Variants in DPYD observed in about 807,000 individuals in gnomAD.
The protein encoded by DPYD is dihydropyrimidine dehydrogenase [NADP(+)].
A neutral mutation model predicts 116.2 loss-of-function variants in DPYD; 109 were observed. The observed-to-expected ratio is 0.94, with a 90% CI of 0.80 to 1.10. The LOEUF (loss-of-function observed/expected upper bound fraction) is 1.10. Among genes scored for constraint, DPYD ranks in the 50% least tolerant of loss-of-function variants. The probability of loss-of-function intolerance (pLI) is 0.00; values close to 1 mark genes in which losing one functional copy is unlikely to be tolerated. For synonymous variants in DPYD, 440 were observed against 432.0 expected (o/e 1.02, Z -0.23); for missense variants, 1,302 against 1,254.5 (o/e 1.04, Z -0.57).
rs1311117686 is a variant in DPYD at position 97,134,356 on chromosome 1, T to C, written c.2623-35724A>G. On this transcript the variant is annotated intron_variant, in intron 20 of 22. Transcript: ENST00000370192. ...ATTAAAATAAGCCAGAATTTGGTAT[T>C]CTCACATCGTATGTATGAGCATGAG... Among the ~76,000 whole-genome samples, 7 of 152,104 alleles carry C rather than the reference T, an allele frequency of 4.6e-5. 1 individual carries two copies. The highest frequency in any genetic ancestry group is 4.6e-4 in the Admixed American group (7 of 15,260).
intron 18 of DPYD, among the ~76,000 whole-genome samples, chr1:97,238,253 G>A (rs1410501590): frequency 6.6e-6 from 1 of 152,038 alleles, no homozygotes; most frequent in Non-Finnish European, 1.5e-5. Context: ...GAGGAAATGA[G>A]ATCCAAAAAA....
chr1:97,464,843 TC>T (rs1677226689), intron 13 of DPYD, among the ~76,000 whole-genome samples: 1 of 151,836 alleles, frequency 6.6e-6, no homozygotes, highest in African/African-American at 2.4e-5. Context: ...TGCCCTAGAG[TC>T]CCTACTAGGG....
At chr1:97,253,070 A>G (rs1216670626) in intron 18 of DPYD, among the ~76,000 whole-genome samples, 1 of 152,198 alleles carries the variant, frequency 6.6e-6, no homozygotes, top group Non-Finnish European at 1.5e-5. Context: ...GAACTAGAGA[A>G]ACATATTATG....
At chr1:97,739,840 T>A (rs1020214533) in intron 4 of DPYD, among the ~76,000 whole-genome samples, 30 of 152,132 alleles carry the variant, frequency 2.0e-4, no homozygotes, top group African/African-American at 6.7e-4. Context: ...TAAAAAAAAA[T>A]AAAGATCAAA....
intron 8 of DPYD, among the ~76,000 whole-genome samples, chr1:97,599,018 T>G (rs1455431679): frequency 6.6e-6 from 1 of 152,202 alleles, no homozygotes; most frequent in African/African-American, 2.4e-5. Flanking sequence ...TCATTCAACA[T>G]GTATGTATTA....
chr1:97,862,446 A>C (rs1179756167), intron 2 of DPYD, among the ~76,000 whole-genome samples: 1 of 151,962 alleles, frequency 6.6e-6, no homozygotes, highest in Non-Finnish European at 1.5e-5. Context: ...AAGAAAAGCC[A>C]CAATAATATA....
intron 14 of DPYD, among the ~76,000 whole-genome samples, chr1:97,395,006 C>T (rs1319535540): frequency 2.0e-5 from 3 of 151,786 alleles, no homozygotes; most frequent in Non-Finnish European, 4.4e-5. Context: ...TTTGAATTTT[C>T]GATCATTTTC....
chr1:97,871,579 G>C (rs1028962622), intron 2 of DPYD, among the ~76,000 whole-genome samples: 4 of 134,994 alleles, frequency 3.0e-5, no homozygotes, highest in Non-Finnish European at 4.8e-5. Flanking sequence ...GGAGAAGGGA[G>C]AAATACAGGC....
chr1:97,740,948 T>A (rs1461384269), intron 3 of DPYD, among the ~76,000 whole-genome samples: 2 of 152,184 alleles, frequency 1.3e-5, no homozygotes, highest in African/African-American at 2.4e-5. Context: ...CTTCCCTCTC[T>A]ACCTCTCTCT....
At chr1:97,447,760 T>G (rs1367601455) in intron 14 of DPYD, among the ~76,000 whole-genome samples, 1 of 152,024 alleles carries the variant, frequency 6.6e-6, no homozygotes, top group Non-Finnish European at 1.5e-5. Context: ...TGGTCATTAT[T>G]ACAACAACTT....
chr1:97,860,337 A>G lies in DPYD; in HGVS notation c.150+22927T>C, dbSNP rs550038894. On this transcript the variant is annotated intron_variant, in intron 2 of 22. Coordinates refer to ENST00000370192, the MANE Select transcript of DPYD (RefSeq NM_000110.4). ...ATTTTTTGAGATCACATTTAAACAT[A>G]TCTTACTTACTACGGGAAAACAATT... 7.9e-5 allele frequency among the ~76,000 whole-genome samples: 12 copies of G among 152,314 alleles called. No individual in the cohort carries two copies. The South Asian group carries it at 8.3e-4, about 11-fold the overall frequency.
At chr1:97,083,724 A>G (rs1026384328) in intron 21 of DPYD, among the ~76,000 whole-genome samples, 9 of 152,162 alleles carry the variant, frequency 5.9e-5, no homozygotes, top group African/African-American at 2.2e-4. Context: ...GTCATTAGAG[A>G]TTGGTACTTC....
At chr1:97,489,368 G>T (rs1254962438) in intron 13 of DPYD, among the ~76,000 whole-genome samples, 1 of 152,162 alleles carries the variant, frequency 6.6e-6, no homozygotes, top group Non-Finnish European at 1.5e-5. Flanking sequence ...GACCAGCCAT[G>T]CTCATCTATA....
chr1:97,193,243 G>GC lies in DPYD; in HGVS notation c.2447dup (p.Cys816TrpfsTer29). 6.2e-7 allele frequency: 1 copy of GC among 1,613,256 alleles called. No homozygotes were observed. The highest frequency in any genetic ancestry group is 8.5e-7 in the Non-Finnish European group (1 of 1,179,654). On this transcript the variant is annotated frameshift_variant, in exon 20 of 23. Coordinates refer to ENST00000370192, the MANE Select transcript of DPYD (RefSeq NM_000110.4). LOFTEE classifies it high-confidence loss of function. ...TGAAATCCTGATTCTGAATGGCACTGCATACCTAGAAAAGACAGAGCAGTC... is the reference window on the plus strand; with the variant it reads ...TGAAATCCTGATTCTGAATGGCACTGCCATACCTAGAAAAGACAGAGCAGTC...
At chr1:97,485,014 G>C (rs184516003) in intron 13 of DPYD, among the ~76,000 whole-genome samples, 23 of 151,984 alleles carry the variant, frequency 1.5e-4, no homozygotes, top group African/African-American at 5.5e-4. Context: ...CTTTGTCTCC[G>C]ATTTTCTGTT....
At chr1:97,805,800 T>C (rs917991607) in intron 3 of DPYD, among the ~76,000 whole-genome samples, 1 of 151,826 alleles carries the variant, frequency 6.6e-6, no homozygotes, top group Admixed American at 6.6e-5. Context: ...AGGGGTGTTA[T>C]AATTGGAAAA....
chr1:97,909,961 T>C (rs991406605), intron 1 of DPYD, among the ~76,000 whole-genome samples: 4 of 152,102 alleles, frequency 2.6e-5, no homozygotes, highest in Admixed American at 1.3e-4. Flanking sequence ...TTTTTTTGTT[T>C]ACCAAAGTTC....
At chr1:97,343,698 T>A (rs956263429) in intron 16 of DPYD, among the ~76,000 whole-genome samples, 41 of 151,988 alleles carry the variant, frequency 2.7e-4, no homozygotes, top group African/African-American at 9.9e-4. Flanking sequence ...TCCATGAGAA[T>A]TTTTTTTAAA....
intron 18 of DPYD, among the ~76,000 whole-genome samples, chr1:97,300,987 T>C (rs1010600909): frequency 7.2e-5 from 11 of 152,042 alleles, no homozygotes; most frequent in African/African-American, 2.4e-4. Flanking sequence ...TATTAGTATT[T>C]CCTATGTTGG....
Sources: gnomAD v4.1 joint callset for allele counts (sites outside exome capture counted in the v4.1 genomes callset) on GRCh38, gnomAD v4.1.1 for gene constraint, MANE v1.5 for transcripts, NCBI Gene and HGNC (gene_info 2026-07-23, HGNC 2026-07-21) for gene names.